CACNB2: variants seen among roughly 807,000 people sequenced by gnomAD.
The protein encoded by CACNB2 is calcium voltage-gated channel auxiliary subunit beta 2, also known as voltage-dependent L-type calcium channel subunit beta-2.
Under a neutral mutation model 73.3 loss-of-function variants are expected in CACNB2, and 42 were observed. The observed-to-expected ratio is 0.57, with a 90% CI of 0.45 to 0.74. The LOEUF (loss-of-function observed/expected upper bound fraction) is 0.74, where lower values mean the gene tolerates loss of function less well. Among genes scored for constraint, CACNB2 ranks in the 30% least tolerant of loss-of-function variants. The probability of loss-of-function intolerance (pLI) is 0.00; values close to 1 mark genes in which losing one functional copy is unlikely to be tolerated. For missense variants in CACNB2, 940 were observed against 853.0 expected (o/e 1.10, Z -1.27); for synonymous variants, 348 against 310.3 (o/e 1.12, Z -1.28).
At chr10:18,452,790 C>A (rs1157369580) in intron 3 of CACNB2, among the ~76,000 whole-genome samples, 2 of 152,198 alleles carry the variant, frequency 1.3e-5, no homozygotes, top group East Asian at 1.9e-4. Flanking sequence ...TCTGGCCTAC[C>A]AGCAGCACCC....
chr10:18,513,644 G>T (rs1345390482), intron 6 of CACNB2: 1 of 287,750 alleles, frequency 3.5e-6, no homozygotes, highest in East Asian at 9.4e-5. Context: ...CTTTTTGTCT[G>T]ACATCATTTC....
chr10:18,333,988 T>G (rs941535634), intron 2 of CACNB2, among the ~76,000 whole-genome samples: 7 of 152,218 alleles, frequency 4.6e-5, no homozygotes, highest in South Asian at 4.1e-4. Flanking sequence ...TTGTCCCGAT[T>G]GAAAGTTCAG....
At chr10:18,356,609 C>A (rs1179072022) in intron 2 of CACNB2, among the ~76,000 whole-genome samples, 1 of 151,772 alleles carries the variant, frequency 6.6e-6, no homozygotes, top group Non-Finnish European at 1.5e-5. Flanking sequence ...ACATTTTGAT[C>A]CTCTCTCCTC....
chr10:18,460,036 G>A (rs1375682394), intron 3 of CACNB2, among the ~76,000 whole-genome samples: 1 of 151,968 alleles, frequency 6.6e-6, no homozygotes, highest in Non-Finnish European at 1.5e-5. Context: ...AACATATTTG[G>A]GTTTCATTTA....
chr10:18,180,695 G>A (rs1004983185), intron 2 of CACNB2, among the ~76,000 whole-genome samples: 4 of 152,062 alleles, frequency 2.6e-5, no homozygotes, highest in African/African-American at 7.2e-5. Context: ...GGCCAGGCGC[G>A]GTGGCTCACT....
intron 3 of CACNB2, among the ~76,000 whole-genome samples, chr10:18,496,505 A>C (rs1219690992): frequency 6.6e-6 from 1 of 152,130 alleles, no homozygotes; most frequent in Non-Finnish European, 1.5e-5. Context: ...TGAGAGGTCG[A>C]AATAATTTTT....
chr10:18,260,618 T>C, intron 2 of CACNB2: 3 of 987,196 alleles, frequency 3.0e-6, no homozygotes, highest in Non-Finnish European at 3.6e-6. Context: ...GAGTCTAGAC[T>C]CAGTCATTTT....
At chr10:18,185,407 G>C (rs1195107829) in intron 2 of CACNB2, among the ~76,000 whole-genome samples, 5 of 152,104 alleles carry the variant, frequency 3.3e-5, no homozygotes, top group Non-Finnish European at 5.9e-5. Context: ...CCATTTATCT[G>C]GTGAGCTCAG....
At chr10:18,391,021 A>G (rs889161932) in intron 2 of CACNB2, among the ~76,000 whole-genome samples, 2 of 152,254 alleles carry the variant, frequency 1.3e-5, no homozygotes, top group East Asian at 1.9e-4. Context: ...AGTTGTAATC[A>G]TATTTTCAAA....
chr10:18,160,199 GA>G, intron 2 of CACNB2, among the ~76,000 whole-genome samples: 1 of 151,990 alleles, frequency 6.6e-6, no homozygotes. Context: ...TTTGATTATA[GA>G]AAAAATCTTC....
At chr10:18,271,553 G>C (rs529653121) in intron 2 of CACNB2, among the ~76,000 whole-genome samples, 1 of 152,122 alleles carries the variant, frequency 6.6e-6, no homozygotes, top group South Asian at 2.1e-4. Flanking sequence ...TATATGTATG[G>C]AAACCTTCCC....
At chr10:18,483,827 AT>A (rs2048917545) in intron 3 of CACNB2, among the ~76,000 whole-genome samples, 1 of 152,216 alleles carries the variant, frequency 6.6e-6, no homozygotes. Context: ...CAGAATAGAC[AT>A]TTTATAACAA....
intron 2 of CACNB2, among the ~76,000 whole-genome samples, chr10:18,327,114 G>A (rs189701398): frequency 6.6e-6 from 1 of 152,118 alleles, no homozygotes; most frequent in East Asian, 1.9e-4. Flanking sequence ...TTAAAGAATG[G>A]TATCCTAGAA....
Position 18,470,606 on chromosome 10 carries a change from A to G in CACNB2, c.334-27749A>G, listed in dbSNP as rs140921492. ...TTCTATCTAAACCTGCTTCAGTTGCATTGCATGGAGCCTTTGCATACAGTT... is the reference window on the plus strand; with the variant it reads ...TTCTATCTAAACCTGCTTCAGTTGCGTTGCATGGAGCCTTTGCATACAGTT... On this transcript the variant is annotated intron_variant, in intron 3 of 13. Coordinates refer to ENST00000324631, the MANE Select transcript of CACNB2 (RefSeq NM_201596.3). Among the ~76,000 whole-genome samples, 227 of 152,112 alleles carry G rather than the reference A, an allele frequency of 1.5e-3. 1 individual carries two copies. Among genetic ancestry groups the G allele is most frequent in the Middle Eastern group, 6.8e-3 (2 of 294 alleles).
chr10:18,335,836 GTTA>G (rs919585176), intron 2 of CACNB2, among the ~76,000 whole-genome samples: 5 of 142,960 alleles, frequency 3.5e-5, no homozygotes, highest in African/African-American at 1.3e-4. Context: ...TACACACACA[GTTA>G]TTTAGTAGTA....
rs527618571 is a variant in CACNB2 at position 18,475,945 on chromosome 10, C to T, written c.334-22410C>T. On this transcript the variant is annotated intron_variant, in intron 3 of 13. Coordinates refer to ENST00000324631, the MANE Select transcript of CACNB2 (RefSeq NM_201596.3). The stretch of plus-strand genomic sequence containing the variant: ...ACCTTGTGCAAGGAAGAATTCAGGG[C>T]AAGGCCATAGAGTAAGGTGAAAGCA... 3.3e-5 allele frequency among the ~76,000 whole-genome samples: 5 copies of T among 152,134 alleles called. No homozygotes were observed. In the South Asian group the frequency reaches 6.2e-4, roughly 19 times the overall value.
At chr10:18,260,560 G>A (rs2037490706) in intron 2 of CACNB2, 1 of 985,802 alleles carries the variant, frequency 1.0e-6, no homozygotes, top group Non-Finnish European at 1.2e-6. Context: ...CAAAGCATCT[G>A]ACGGTTTGGA....
intron 3 of CACNB2, among the ~76,000 whole-genome samples, chr10:18,493,068 T>C (rs1207362943): frequency 6.6e-6 from 1 of 152,162 alleles, no homozygotes; most frequent in Non-Finnish European, 1.5e-5. Context: ...AGCAATAGAA[T>C]TGAATAACTA....
Position 18,356,938 on chromosome 10 carries a change from A to ATGTCTTTTTTTTTTTTTTTTTTTTTT in CACNB2, c.214-44985_214-44984insGTCTTTTTTTTTTTTTTTTTTTTTTT, listed in dbSNP as rs1436280481. 2.1e-5 allele frequency among the ~76,000 whole-genome samples: 2 copies of ATGTCTTTTTTTTTTTTTTTTTTTTTT among 94,446 alleles called. 1 individual carries two copies. Among genetic ancestry groups the ATGTCTTTTTTTTTTTTTTTTTTTTTT allele is most frequent in the African/African-American group, 7.6e-5 (2 of 26,326 alleles). 62.0% of individuals were successfully genotyped at this position (94,446 alleles called of 152,430 possible). A position where few individuals can be genotyped will look rare whatever the true frequency, so the allele number is the denominator to read the frequency against. ...AGCCACTGTGCCTGGCCCAGACTCAATTTCTTTTTTTTTTTTTTTTTTTTG... is the reference window on the plus strand; with the variant it reads ...AGCCACTGTGCCTGGCCCAGACTCAATGTCTTTTTTTTTTTTTTTTTTTTTTTTTCTTTTTTTTTTTTTTTTTTTTG... On this transcript the variant is annotated intron_variant, in intron 2 of 13. Transcript: ENST00000324631.
Sources: gnomAD v4.1 joint callset for allele counts (sites outside exome capture counted in the v4.1 genomes callset) on GRCh38, gnomAD v4.1.1 for gene constraint, MANE v1.5 for transcripts, NCBI Gene and HGNC (gene_info 2026-07-23, HGNC 2026-07-21) for gene names.